APOD: variants seen among roughly 807,000 people sequenced by gnomAD.
APOD encodes the protein apo-D.
Under a neutral mutation model 20.4 loss-of-function variants are expected in APOD, and 22 were observed. That is an observed-to-expected ratio of 1.08 (90% CI 0.77 to 1.54). The LOEUF (loss-of-function observed/expected upper bound fraction) is 1.54. APOD is among the 40% of genes most tolerant of loss of function. The probability of loss-of-function intolerance (pLI) is 0.00; values close to 1 mark genes in which losing one functional copy is unlikely to be tolerated. For synonymous variants in APOD, 97 were observed against 92.4 expected (o/e 1.05, Z -0.29); for missense variants, 223 against 229.6 (o/e 0.97, Z 0.19).
rs954307356 is a variant in APOD, at chr3:195,583,359, A to G, written c.-35+519T>C. Among the ~76,000 whole-genome samples, 4 of 152,342 alleles carry G rather than the reference A, an allele frequency of 2.6e-5. No homozygotes were observed. In the East Asian group the frequency reaches 7.7e-4, roughly 29 times the overall value. On this transcript the variant is annotated intron_variant, in intron 1 of 4. Coordinates refer to ENST00000343267, the MANE Select transcript of APOD (RefSeq NM_001647.4). ...AGATTTTGAAATTTCACCTCATAAA[A>G]TAAAATAGGTTCCAATAAGTCATTA... is the stretch of plus-strand genomic sequence containing the variant.
intron 2 of APOD, among the ~76,000 whole-genome samples, chr3:195,578,960 C>T (rs1056527566): frequency 6.6e-6 from 1 of 152,202 alleles, no homozygotes; most frequent in Middle Eastern, 3.2e-3. Context: ...GGGGGCTCAG[C>T]TAGAGCCACG....
Position 195,581,616 on chromosome 3 carries a change from C to G in APOD, c.-34-2121G>C, listed in dbSNP as rs114486474. Among the ~76,000 whole-genome samples, 801 of 152,294 alleles carry G rather than the reference C, an allele frequency of 5.3e-3. 3 individuals are homozygous for G. Among genetic ancestry groups the G allele is most frequent in the Middle Eastern group, 0.017 (5 of 294 alleles). ...GCTGGGACTCGAGCTCCATCTCCCC[C>G]TCTCCTGTCTGCAGCACCCCGAATC... On this transcript the variant is annotated intron_variant, in intron 1 of 4. Coordinates refer to ENST00000343267, the MANE Select transcript of APOD (RefSeq NM_001647.4).
chr3:195,579,487 G>C lies in APOD; in HGVS notation c.-26C>G. The C allele has an allele frequency of 1.2e-6, 2 of 1,609,360 alleles. No homozygotes were observed. The highest frequency in any genetic ancestry group is 1.7e-6 in the Non-Finnish European group (2 of 1,179,894). On this transcript the variant is annotated 5_prime_UTR_variant, in exon 2 of 5. Coordinates refer to ENST00000343267, the MANE Select transcript of APOD (RefSeq NM_001647.4). ...CTTGGGGCTGGGTGGCTGGAGAAGG[G>C]ACCTGGAGCTGCGGGAACGCAAAGC...
intron 2 of APOD, among the ~76,000 whole-genome samples, chr3:195,575,824 C>T (rs1264494615): frequency 6.6e-6 from 1 of 152,120 alleles, no homozygotes; most frequent in African/African-American, 2.4e-5. Flanking sequence ...GAAGGGGTTT[C>T]ACCATGTTGG....
At chr3:195,578,011 TAAC>T (rs34481010) in intron 2 of APOD, among the ~76,000 whole-genome samples, 21,114 of 152,132 alleles carry the variant, frequency 0.14, 1,834 homozygotes, top group East Asian at 0.41. Flanking sequence ...GTGATGATAC[TAAC>T]AACAATGGAA....
In APOD at chr3:195,571,322, C is replaced by T. The variant is rs1394201091; in HGVS notation, c.289G>A (p.Val97Ile). ...VNQIEGEATPVNLTEPAKLEV... is the reference protein window; with the variant it reads ...VNQIEGEATPINLTEPAKLEV... ...AGCTTGGCAGGCTCTGTGAGGTTAACTGGGGTGGCTTCACCTTCGATTTGA... is the reference window on the plus strand; with the variant it reads ...AGCTTGGCAGGCTCTGTGAGGTTAATTGGGGTGGCTTCACCTTCGATTTGA... Residue 97 changes from valine (V) to isoleucine (I), a missense_variant, in exon 4 of 5, where the codon GTT (valine) becomes ATT (isoleucine). Transcript: ENST00000343267. 1 of 1,613,984 alleles carries T rather than the reference C, an allele frequency of 6.2e-7. No homozygotes were observed. The highest frequency in any genetic ancestry group is 1.1e-5 in the South Asian group (1 of 91,066).
chr3:195,580,350 TTTTCTTCTTTC>T (rs1188181365), intron 1 of APOD, among the ~76,000 whole-genome samples: 21 of 115,944 alleles, frequency 1.8e-4, no homozygotes, highest in African/African-American at 8.1e-4. Context: ...CTTTCTTTTC[TTTTCTTCTTTC>T]TTTCTTCTTT....
chr3:195,577,874 G>T (rs888262165), intron 2 of APOD, among the ~76,000 whole-genome samples: 3 of 152,212 alleles, frequency 2.0e-5, no homozygotes, highest in African/African-American at 7.2e-5. Flanking sequence ...ACAGAAAGTA[G>T]ATTAGTGGTT....
In APOD at chr3:195,579,372, A is replaced by G. The variant is rs746264167; in HGVS notation, c.90T>C (p.Asn30=). Residue 30 remains asparagine, a synonymous_variant, in exon 2 of 5, where the codon AAT becomes AAC. Coordinates refer to ENST00000343267, the MANE Select transcript of APOD (RefSeq NM_001647.4). ...CGTCAAAATTCTCCTGCACCGGAGG[A>G]TTGGGGCACTTCCCAAGATGAAATG... ...GQAFHLGKCP[N]PPVQENFDVN... 4.0e-5 allele frequency: 64 copies of G among 1,614,076 alleles called. No individual in the cohort carries two copies. The East Asian group carries it at 1.4e-3, about 35-fold the overall frequency.
At chr3:195,569,162 T>G in intron 4 of APOD, 27 bp from the exon 5 acceptor site, 1 of 1,594,794 alleles carries the variant, frequency 6.3e-7, no homozygotes, top group East Asian at 2.2e-5. Flanking sequence ...GGCAGCATTA[T>G]TGGAGGGAGA....
At chr3:195,582,780 A>C (rs1284925787) in intron 1 of APOD, 1 of 152,028 alleles carries the variant, frequency 6.6e-6, no homozygotes, top group Non-Finnish European at 1.5e-5. Flanking sequence ...AAAAAATACA[A>C]AAATTAGCTG....
chr3:195,571,159 T>A (rs1720151798), intron 4 of APOD, 118 bp downstream of exon 4: 1 of 880,546 alleles, frequency 1.1e-6, no homozygotes, highest in Non-Finnish European at 1.9e-6. Context: ...CAGATAATTA[T>A]GTGCTGAGTG....
intron 4 of APOD, among the ~76,000 whole-genome samples, chr3:195,569,775 T>C (rs1479336101): frequency 1.3e-5 from 2 of 148,578 alleles, no homozygotes; most frequent in African/African-American, 5.0e-5. Context: ...ATTCAGGCCT[T>C]CTTCTTCTTC....
rs375250089 is a variant in APOD at position 195,573,935 on chromosome 3, T to G, written c.160A>C (p.Thr54Pro). 3.7e-6 allele frequency: 6 copies of G among 1,614,064 alleles called. No individual in the cohort carries two copies. In the African/African-American group the frequency reaches 6.7e-5, roughly 18 times the overall value. ...GRWYEIEKIP[T>P]TFENGRCIQA... is the part of the protein sequence containing the mutation. ...ATGCAGCGTCCATTCTCAAAGGTTG[T>G]TGGGATCTTCTCAATTTCGTACCAT... is the stretch of plus-strand genomic sequence containing the variant. Residue 54 changes from threonine to proline, a missense_variant, in exon 3 of 5, where the codon ACA becomes CCA. Coordinates refer to ENST00000343267, the MANE Select transcript of APOD (RefSeq NM_001647.4).
chr3:195,578,880 C>T (rs981956064), intron 2 of APOD, among the ~76,000 whole-genome samples: 2 of 152,190 alleles, frequency 1.3e-5, no homozygotes, highest in Non-Finnish European at 2.9e-5. Flanking sequence ...CTGAGTTCAC[C>T]GCAGCCACGG....
chr3:195,571,377 T>C lies in APOD; in HGVS notation c.246-12A>G. On this transcript the variant is annotated splice_polypyrimidine_tract_variant and intron_variant, in intron 3 of 4. Coordinates refer to ENST00000343267, the MANE Select transcript of APOD (RefSeq NM_001647.4). ...CAGTTCCATCAGCTCTGCAGTGAGTTAAAAAAAGAAAAAATACAAAAAACG... is the reference window on the plus strand; with the variant it reads ...CAGTTCCATCAGCTCTGCAGTGAGTCAAAAAAAGAAAAAATACAAAAAACG... The C allele has an allele frequency of 6.3e-7, 1 of 1,576,580 alleles. No individual in the cohort carries two copies.
chr3:195,569,396 G>C (rs998222913), intron 4 of APOD, among the ~76,000 whole-genome samples: 1 of 152,140 alleles, frequency 6.6e-6, no homozygotes, highest in African/African-American at 2.4e-5. Context: ...GAGAGAGAGA[G>C]AGAGACAGCG....
intron 1 of APOD, 77 bp from the exon 2 acceptor site, chr3:195,579,572 G>A: frequency 6.7e-7 from 1 of 1,486,798 alleles, no homozygotes; most frequent in Non-Finnish European, 9.1e-7. Flanking sequence ...AGAGTGCTGT[G>A]CCCATGGTCC....
At chr3:195,575,258 G>C (rs889923592) in intron 2 of APOD, among the ~76,000 whole-genome samples, 4 of 152,192 alleles carry the variant, frequency 2.6e-5, no homozygotes, top group Admixed American at 1.3e-4. Flanking sequence ...TCACAGCTGG[G>C]AAAGATTCTC....
Sources: allele counts gnomAD v4.1 joint callset (sites outside exome capture counted in the v4.1 genomes callset), GRCh38; gene constraint gnomAD v4.1.1; transcripts MANE v1.5; gene names NCBI Gene and HGNC (gene_info 2026-07-23, HGNC 2026-07-21).